The following HIP1 variants were observed in gnomAD, a reference collection of about 807,000 sequenced individuals.
The protein encoded by HIP1 is huntingtin-interacting protein 1.
A neutral mutation model predicts 147.6 loss-of-function variants in HIP1; 65 were observed. The ratio of observed to expected loss-of-function variants is 0.44; its 90% CI spans 0.36 to 0.54. HIP1 has a LOEUF of 0.54. Ranked by LOEUF, HIP1 falls within the 20% of genes least tolerant of loss-of-function variation. HIP1 has a pLI of 0.00. For synonymous variants in HIP1, 479 were observed against 504.0 expected (o/e 0.95, Z 0.67); for missense variants, 1,061 against 1,299.6 (o/e 0.82, Z 2.82).
Position 75,693,072 on chromosome 7 carries a change from C to T in HIP1, c.120+45729G>A, listed in dbSNP as rs200102013. ...CCCAGCTACTCAGGAGGCTGAGGCA[C>T]GAGAATCACTTGAACCAGGGAGGCA... On this transcript the variant is annotated intron_variant, in intron 1 of 30. Transcript: ENST00000336926. Among the ~76,000 whole-genome samples, 272 of 150,990 alleles carry T rather than the reference C, an allele frequency of 1.8e-3. 2 individuals are homozygous for T. Among genetic ancestry groups the T allele is most frequent in the African/African-American group, 6.3e-3 (258 of 41,086 alleles).
At chr7:75,672,255 T>C (rs1799747978) in intron 1 of HIP1, among the ~76,000 whole-genome samples, 2 of 152,200 alleles carry the variant, frequency 1.3e-5, no homozygotes, top group South Asian at 2.1e-4. Flanking sequence ...ATATTCTGGG[T>C]ATCAATTCCT....
intron 30 of HIP1, among the ~76,000 whole-genome samples, chr7:75,538,444 G>A (rs1794168761): frequency 6.6e-6 from 1 of 152,082 alleles, no homozygotes; most frequent in South Asian, 2.1e-4. Context: ...TCTTGGCTGT[G>A]ATCAAGTTGA....
chr7:75,616,210 C>T (rs1554505978), intron 1 of HIP1, among the ~76,000 whole-genome samples: 2 of 152,030 alleles, frequency 1.3e-5, no homozygotes, highest in Admixed American at 6.6e-5. Flanking sequence ...GTCCAAACCA[C>T]CGCCCACCAG....
chr7:75,556,975 C>G (rs1485772178), intron 16 of HIP1, among the ~76,000 whole-genome samples, 164 bp from the exon 17 acceptor site: 1 of 151,938 alleles, frequency 6.6e-6, no homozygotes, highest in South Asian at 2.1e-4. Context: ...GAGGCAAGAC[C>G]CCAGAGTGTA....
chr7:75,605,245 T>G (rs1797180046), intron 1 of HIP1, among the ~76,000 whole-genome samples: 1 of 152,264 alleles, frequency 6.6e-6, no homozygotes, highest in South Asian at 2.1e-4. Flanking sequence ...GGTTCGGGCC[T>G]GCAGGGGACT....
intron 9 of HIP1, among the ~76,000 whole-genome samples, chr7:75,564,779 A>G (rs1795347544): frequency 6.6e-6 from 1 of 151,282 alleles, no homozygotes; most frequent in Non-Finnish European, 1.5e-5. Flanking sequence ...TGTGTTTTTG[A>G]TAAAGATGGG....
rs1554493325 is a variant in HIP1, at chr7:75,556,295, C to G, written c.1684-126G>C. On this transcript the variant is annotated intron_variant, in intron 17 of 30. Transcript: ENST00000336926. ...GGTGATGGCTCTTTAACCTGCCACT[C>G]TGATTCCCTCCCGGGGACACACTGA... 8.6e-6 allele frequency: 10 copies of G among 1,165,916 alleles called. No homozygotes were observed. In the South Asian group the frequency reaches 1.0e-4, roughly 12 times the overall value. 72.2% of individuals were successfully genotyped at this position (1,165,916 alleles called of 1,614,324 possible).
At chr7:75,564,338 AG>A (rs1334617465) in intron 9 of HIP1, among the ~76,000 whole-genome samples, 1 of 151,500 alleles carries the variant, frequency 6.6e-6, no homozygotes, top group Non-Finnish European at 1.5e-5. Context: ...CTTATTGCCC[AG>A]GCTGGAGTGC....
At chr7:75,708,747 A>T (rs1554519910) in intron 1 of HIP1, among the ~76,000 whole-genome samples, 1 of 152,072 alleles carries the variant, frequency 6.6e-6, no homozygotes, top group African/African-American at 2.4e-5. Flanking sequence ...ACACTGTTTT[A>T]ATTACTATAG....
intron 1 of HIP1, among the ~76,000 whole-genome samples, chr7:75,648,170 A>G (rs1184675318): frequency 6.6e-6 from 1 of 151,766 alleles, no homozygotes; most frequent in Non-Finnish European, 1.5e-5. Flanking sequence ...GGAGTAGCTG[A>G]GGCTGGTTGG....
In HIP1 at chr7:75,555,514, AT is replaced by A; in HGVS notation, c.1864del (p.Met622CysfsTer13). On this transcript the variant is annotated frameshift_variant, in exon 19 of 31. Transcript: ENST00000336926. LOFTEE classifies it high-confidence loss of function. The part of the protein sequence containing the change: ...MCQLAKDQRK[M>X]LLVGSRKAAE... ...AGCCTTCCTGGACCCCACCAGAAGC[AT>A]TTTTCGTTGGTCTTTGGCAAGCTGG... The A allele has an allele frequency of 6.2e-7, 1 of 1,614,174 alleles. No individual in the cohort carries two copies. The highest frequency in any genetic ancestry group is 8.5e-7 in the Non-Finnish European group (1 of 1,180,022).
At chr7:75,545,825 C>T (rs1794540165) in intron 25 of HIP1, among the ~76,000 whole-genome samples, 1 of 151,802 alleles carries the variant, frequency 6.6e-6, no homozygotes, top group Admixed American at 6.6e-5. Flanking sequence ...CCTGGAATCC[C>T]AGCTACTCGG....
At chr7:75,699,138 GTC>G (rs1345526644) in intron 1 of HIP1, among the ~76,000 whole-genome samples, 18 of 151,972 alleles carry the variant, frequency 1.2e-4, no homozygotes, top group Non-Finnish European at 2.4e-4. Flanking sequence ...AAGAGATGGG[GTC>G]TCTCTATATT....
At chr7:75,687,273 C>T (rs1379046020) in intron 1 of HIP1, among the ~76,000 whole-genome samples, 2 of 152,122 alleles carry the variant, frequency 1.3e-5, no homozygotes, top group East Asian at 3.8e-4. Context: ...GGAGCCAATC[C>T]CTGTGGCTGG....
chr7:75,624,565 C>T (rs1319553173), intron 1 of HIP1, among the ~76,000 whole-genome samples: 1 of 152,150 alleles, frequency 6.6e-6, no homozygotes, highest in Non-Finnish European at 1.5e-5. Context: ...TCCTGGTGGC[C>T]ACAACGTCAC....
chr7:75,647,885 T>G (rs1554511325), intron 1 of HIP1, among the ~76,000 whole-genome samples: 1 of 152,196 alleles, frequency 6.6e-6, no homozygotes. Context: ...TGACCAAGTG[T>G]GAGGCGTGGT....
intron 2 of HIP1, among the ~76,000 whole-genome samples, chr7:75,598,428 C>CTT (rs148833979): frequency 0.16 from 23,282 of 143,030 alleles, 2,130 homozygotes; most frequent in Middle Eastern, 0.28. Context: ...CTCTCTTTTT[C>CTT]TTTTTTTTTT....
At position 75,538,000 on chromosome 7, in the gene HIP1, G is replaced by A. The variant is rs1554489095; in HGVS notation, c.*172C>T. On this transcript the variant is annotated 3_prime_UTR_variant, in exon 31 of 31. Transcript: ENST00000336926. ...GATGACCATGGGTCCAAACAGAAAG[G>A]GTGTCGCTATGGAGGGAGTCTTTGG... 1 of 668,064 alleles carries A rather than the reference G, an allele frequency of 1.5e-6. No homozygotes were observed. Among genetic ancestry groups the A allele is most frequent in the Non-Finnish European group, 2.8e-6 (1 of 362,432 alleles). 41.4% of individuals were successfully genotyped at this position (668,064 alleles called of 1,614,324 possible). A position where few individuals can be genotyped will look rare whatever the true frequency, so the allele number is the denominator to read the frequency against.
chr7:75,692,639 A>G (rs1470034242), intron 1 of HIP1, among the ~76,000 whole-genome samples: 2 of 149,768 alleles, frequency 1.3e-5, no homozygotes, highest in Non-Finnish European at 3.0e-5. Context: ...CATGTTGGCC[A>G]GGCTGGTCTC....
Sources: allele counts gnomAD v4.1 joint callset (sites outside exome capture counted in the v4.1 genomes callset), GRCh38; gene constraint gnomAD v4.1.1; transcripts MANE v1.5; gene names NCBI Gene and HGNC (gene_info 2026-07-23, HGNC 2026-07-21).